CSMD1: variants seen among roughly 807,000 people sequenced by gnomAD.
CSMD1 encodes the protein CUB and sushi domain-containing protein 1.
A neutral mutation model predicts 417.5 loss-of-function variants in CSMD1; 213 were observed. The ratio of observed to expected loss-of-function variants is 0.51; its 90% confidence interval spans 0.46 to 0.57. The LOEUF is 0.57. Among genes scored for constraint, CSMD1 ranks in the 20% least tolerant of loss-of-function variants. The pLI is 0.00. For missense variants in CSMD1, 6,923 were observed against 4,529.7 expected, an observed-to-expected ratio of 1.53 and a Z score of -15.17; for synonymous variants, 2,862 against 1,736.8, an observed-to-expected ratio of 1.65 and a Z score of -16.11.
At chr8:3,731,263 G>A (rs752301130) in intron 6 of CSMD1, among the ~76,000 whole-genome samples, 3 of 152,020 alleles carry the variant, frequency 2.0e-5, no homozygotes, top group Non-Finnish European at 4.4e-5. Context: ...ATTCTACATT[G>A]ACCAGCATTT....
At chr8:4,327,796 C>A (rs576466057) in intron 3 of CSMD1, among the ~76,000 whole-genome samples, 2 of 152,264 alleles carry the variant, frequency 1.3e-5, no homozygotes, top group South Asian at 4.1e-4. Flanking sequence ...TGTAACTTTT[C>A]TTGCTAAAAT....
At chr8:4,134,481 C>G (rs1292639677) in intron 3 of CSMD1, among the ~76,000 whole-genome samples, 3 of 152,184 alleles carry the variant, frequency 2.0e-5, no homozygotes, top group Non-Finnish European at 4.4e-5. Context: ...AACCTGCTAT[C>G]ACTTTGATCT....
At position 4,191,332 on chromosome 8, in the gene CSMD1, C is replaced by A. The variant is rs931303009; in HGVS notation, c.416-159233G>T. On this transcript the variant is annotated intron_variant, in intron 3 of 69. Transcript: ENST00000635120. ...AATGGCGTGAACCCGGGAGGCAGAG[C>A]CTGCAGTGAGCAGAGATCGCGCCAC... 1.3e-5 allele frequency among the ~76,000 whole-genome samples: 2 copies of A among 151,930 alleles called. 1 individual carries two copies. The highest frequency in any genetic ancestry group is 1.3e-4 in the Admixed American group (2 of 15,234).
At chr8:4,299,898 G>C (rs1797889084) in intron 3 of CSMD1, among the ~76,000 whole-genome samples, 1 of 152,098 alleles carries the variant, frequency 6.6e-6, no homozygotes, top group African/African-American at 2.4e-5. Flanking sequence ...CAAACTGCTA[G>C]GATTACAGGT....
chr8:3,523,565 GCA>G (rs200186998), intron 10 of CSMD1, among the ~76,000 whole-genome samples: 47 of 151,586 alleles, frequency 3.1e-4, no homozygotes, highest in African/African-American at 9.7e-4. Context: ...GCACACAGAT[GCA>G]CACACACATG....
At chr8:3,072,273 A>C (rs1260949459) in intron 49 of CSMD1, among the ~76,000 whole-genome samples, 1 of 152,200 alleles carries the variant, frequency 6.6e-6, no homozygotes, top group East Asian at 1.9e-4. Context: ...TATTAAGCTG[A>C]CCAAACTAGG....
chr8:4,661,743 C>T (rs1228217023), intron 1 of CSMD1, among the ~76,000 whole-genome samples: 1 of 152,066 alleles, frequency 6.6e-6, no homozygotes, highest in Non-Finnish European at 1.5e-5. Flanking sequence ...AAAATATAGA[C>T]TAAGATCAAT....
chr8:4,975,128 C>T (rs1475071152), intron 1 of CSMD1, among the ~76,000 whole-genome samples: 1 of 152,092 alleles, frequency 6.6e-6, no homozygotes, highest in Non-Finnish European at 1.5e-5. Context: ...AAAAGATAAT[C>T]AATGTGACCT....
chr8:4,858,119 T>C lies in CSMD1; in HGVS notation c.85+136213A>G, dbSNP rs1252392035. On this transcript the variant is annotated intron_variant, in intron 1 of 69. Transcript: ENST00000635120. ...GCAAGGCTGGTTCAATATACGCAAA[T>C]CAATAAATGTAATCCAGCATATAAA... Among the ~76,000 whole-genome samples, 6 of 150,860 alleles carry C rather than the reference T, an allele frequency of 4.0e-5. No individual in the cohort carries two copies. The South Asian group carries it at 1.1e-3, about 27-fold the overall frequency.
chr8:4,598,823 G>A (rs975989386), intron 2 of CSMD1, among the ~76,000 whole-genome samples: 1 of 151,964 alleles, frequency 6.6e-6, no homozygotes, highest in Non-Finnish European at 1.5e-5. Context: ...AGAACAAATT[G>A]TATTGTCCAA....
At chr8:3,609,338 T>C (rs1801775976) in intron 8 of CSMD1, among the ~76,000 whole-genome samples, 1 of 152,212 alleles carries the variant, frequency 6.6e-6, no homozygotes, top group Admixed American at 6.5e-5. Flanking sequence ...CCATCAATCT[T>C]ACTGATAAAT....
intron 5 of CSMD1, among the ~76,000 whole-genome samples, chr8:3,867,677 C>G (rs1306879861): frequency 6.6e-6 from 1 of 151,962 alleles, no homozygotes; most frequent in African/African-American, 2.4e-5. Flanking sequence ...TTCACAGAAA[C>G]CTAGAACCAT....
At chr8:4,185,815 T>A (rs759299207) in intron 3 of CSMD1, among the ~76,000 whole-genome samples, 2 of 152,014 alleles carry the variant, frequency 1.3e-5, no homozygotes, top group African/African-American at 4.8e-5. Context: ...AGTGCCAGAG[T>A]CAGAAAGTGC....
At chr8:3,106,926 C>G (rs577531892) in intron 45 of CSMD1, 1 of 259,032 alleles carries the variant, frequency 3.9e-6, no homozygotes, top group Non-Finnish European at 7.3e-6. Flanking sequence ...TGATTGCTGA[C>G]GAAAAGAAAA....
At chr8:4,598,629 A>T (rs1800409736) in intron 2 of CSMD1, among the ~76,000 whole-genome samples, 1 of 152,194 alleles carries the variant, frequency 6.6e-6, no homozygotes, top group South Asian at 2.1e-4. Flanking sequence ...TCAACTCAAT[A>T]AAAATTAACT....
rs570275688 is a variant in CSMD1, at chr8:3,747,181, C to G, written c.931+6749G>C. 5.3e-5 allele frequency among the ~76,000 whole-genome samples: 8 copies of G among 152,270 alleles called. No individual in the cohort carries two copies. The East Asian group carries it at 1.2e-3, about 22-fold the overall frequency. ...ACTCACATCCTGGTTCTGCCATTTG[C>G]AAGCTGTATGACGAGAGCCACAGCC... On this transcript the variant is annotated intron_variant, in intron 6 of 69. Transcript: ENST00000635120.
At position 3,217,665 on chromosome 8, in the gene CSMD1, G is replaced by T. The variant is rs1398165753; in HGVS notation, c.4672+1590C>A. Among the ~76,000 whole-genome samples the T allele has an allele frequency of 2.0e-5, 3 of 152,280 alleles. No individual in the cohort carries two copies. In the East Asian group the frequency reaches 5.8e-4, roughly 29 times the overall value. On this transcript the variant is annotated intron_variant, in intron 29 of 69. Transcript: ENST00000635120. Reference sequence around the variant, plus strand: ...ACTGTTTTCAACTATTCCTAAACGTGACGGATCCCATCTCAAAGGCATAGG... The same window carrying T: ...ACTGTTTTCAACTATTCCTAAACGTTACGGATCCCATCTCAAAGGCATAGG...
At chr8:4,739,911 C>T (rs1810493557) in intron 1 of CSMD1, among the ~76,000 whole-genome samples, 1 of 152,158 alleles carries the variant, frequency 6.6e-6, no homozygotes, top group Admixed American at 6.5e-5. Context: ...CTCCACCCTC[C>T]CTTCTTCAGT....
chr8:4,917,156 T>G (rs1345494708), intron 1 of CSMD1, among the ~76,000 whole-genome samples: 1 of 152,160 alleles, frequency 6.6e-6, no homozygotes, highest in African/African-American at 2.4e-5. Flanking sequence ...CATGTCCTAC[T>G]TGGCTGGAGC....
Sources: allele counts gnomAD v4.1 joint callset (sites outside exome capture counted in the v4.1 genomes callset), GRCh38; gene constraint gnomAD v4.1.1; transcripts MANE v1.5; gene names NCBI Gene and HGNC (gene_info 2026-07-23, HGNC 2026-07-21).